Variants in SYN3 observed in about 807,000 individuals in gnomAD.
SYN3 encodes synapsin-3.
A neutral mutation model predicts 65.8 loss-of-function variants in SYN3; 35 were observed. The ratio of observed to expected loss-of-function variants is 0.53; its 90% CI spans 0.41 to 0.70. SYN3 has a LOEUF of 0.70. SYN3 is among the 30% of genes least tolerant of loss of function. SYN3 has a pLI of 0.00. For synonymous variants in SYN3, 270 were observed against 292.9 expected (o/e 0.92, Z 0.80); for missense variants, 680 against 749.0 (o/e 0.91, Z 1.08).
intron 6 of SYN3, among the ~76,000 whole-genome samples, chr22:32,800,109 A>G (rs1458907454): frequency 6.6e-6 from 1 of 152,222 alleles, no homozygotes; most frequent in Admixed American, 6.5e-5. Context: ...TGGAAATACC[A>G]TCTCTCACGA....
intron 6 of SYN3, among the ~76,000 whole-genome samples, chr22:32,647,256 C>T (rs1233686371): frequency 6.6e-6 from 1 of 152,050 alleles, no homozygotes. Flanking sequence ...CAGAAGGCCT[C>T]TTGGTGTTCT....
At chr22:32,600,270 G>A (rs576466804) in intron 6 of SYN3, among the ~76,000 whole-genome samples, 2 of 152,236 alleles carry the variant, frequency 1.3e-5, no homozygotes, top group South Asian at 2.1e-4. Flanking sequence ...TACATTCCTC[G>A]AATGCGCAAT....
At chr22:32,780,045 G>C (rs544263831) in intron 6 of SYN3, among the ~76,000 whole-genome samples, 48 of 89,678 alleles carry the variant, frequency 5.4e-4, no homozygotes, top group African/African-American at 1.7e-3. Context: ...CTCCAGCCTG[G>C]GTGACAGAGT....
intron 6 of SYN3, among the ~76,000 whole-genome samples, chr22:32,674,234 G>A (rs2060410462): frequency 1.3e-5 from 2 of 152,178 alleles, no homozygotes; most frequent in Non-Finnish European, 2.9e-5. Flanking sequence ...CCAGCTTTGG[G>A]GAAGCCATTT....
At chr22:32,842,136 C>T (rs1410029746) in intron 6 of SYN3, among the ~76,000 whole-genome samples, 2 of 152,166 alleles carry the variant, frequency 1.3e-5, no homozygotes, top group African/African-American at 4.8e-5. Context: ...AAGTGACTTG[C>T]CCAAGGTCAC....
chr22:32,735,984 T>TG, intron 6 of SYN3, among the ~76,000 whole-genome samples: 2 of 152,210 alleles, frequency 1.3e-5, no homozygotes, highest in South Asian at 4.2e-4. Flanking sequence ...CTCTATTTGG[T>TG]GGGGAGAGGA....
intron 6 of SYN3, among the ~76,000 whole-genome samples, chr22:32,731,692 C>G (rs2061272180): frequency 1.3e-5 from 2 of 152,266 alleles, no homozygotes; most frequent in South Asian, 4.2e-4. Context: ...GGATCAAGAC[C>G]AGGTATAGAG....
In SYN3 at chr22:32,913,911, C is replaced by T. The variant is rs575322204; in HGVS notation, c.461+17479G>A. ...GGAGAGGCAAAACAAGCGTATGTTCCAAGCATAAAGTTGTGTTTTGTGCTT... is the reference window on the plus strand; with the variant it reads ...GGAGAGGCAAAACAAGCGTATGTTCTAAGCATAAAGTTGTGTTTTGTGCTT... On this transcript the variant is annotated intron_variant, in intron 4 of 13. Coordinates refer to ENST00000358763, the MANE Select transcript of SYN3 (RefSeq NM_003490.4). 8.5e-5 allele frequency among the ~76,000 whole-genome samples: 13 copies of T among 152,286 alleles called. No individual in the cohort carries two copies. The East Asian group carries it at 2.3e-3, about 27-fold the overall frequency.
intron 6 of SYN3, among the ~76,000 whole-genome samples, chr22:32,645,447 G>A (rs1027264128): frequency 1.2e-4 from 15 of 124,876 alleles, no homozygotes; most frequent in Non-Finnish European, 2.1e-4. Flanking sequence ...GCGAAACTCC[G>A]TCTGAAAAAA....
intron 6 of SYN3, among the ~76,000 whole-genome samples, chr22:32,723,174 A>G (rs764794856): frequency 4.6e-5 from 7 of 152,208 alleles, no homozygotes; most frequent in Non-Finnish European, 8.8e-5. Context: ...TTATTTTGAG[A>G]GAGCCAGCAG....
chr22:32,716,541 GT>G (rs550046386), intron 6 of SYN3, among the ~76,000 whole-genome samples: 1 of 151,880 alleles, frequency 6.6e-6, no homozygotes. Context: ...ATTTTTGTTT[GT>G]TTTTTTGAGA....
At chr22:32,715,191 T>G (rs1386137041) in intron 6 of SYN3, among the ~76,000 whole-genome samples, 1 of 152,264 alleles carries the variant, frequency 6.6e-6, no homozygotes, top group Non-Finnish European at 1.5e-5. Context: ...GAATAAATAC[T>G]ATCACCCTGG....
chr22:32,721,207 C>T (rs764949217), intron 6 of SYN3, among the ~76,000 whole-genome samples: 23 of 152,192 alleles, frequency 1.5e-4, no homozygotes, highest in African/African-American at 3.4e-4. Context: ...GTGGAGCTCC[C>T]GGTGGTGGGC....
chr22:32,617,308 G>A (rs963067832), intron 6 of SYN3, among the ~76,000 whole-genome samples: 2 of 152,230 alleles, frequency 1.3e-5, no homozygotes, highest in East Asian at 3.9e-4. Context: ...GTCTTGGATT[G>A]GCTTTAAAAT....
At chr22:32,679,882 T>C (rs1207721805) in intron 6 of SYN3, among the ~76,000 whole-genome samples, 5 of 104,992 alleles carry the variant, frequency 4.8e-5, no homozygotes, top group African/African-American at 1.3e-4. Flanking sequence ...AGGAATTCCT[T>C]ATATATTTTG....
rs1047791351 is a variant in SYN3 at position 32,526,754 on chromosome 22, C to T, written c.1318+1164G>A. Among the ~76,000 whole-genome samples, 7 of 152,180 alleles carry T rather than the reference C, an allele frequency of 4.6e-5. No individual in the cohort carries two copies. In the South Asian group the frequency reaches 6.2e-4, roughly 14 times the overall value. ...TAGGCTGGTCTCGAACTCCTGACCTCGTGATCCGCCCGCCTCGGCCTCCCA... is the reference window on the plus strand; with the variant it reads ...TAGGCTGGTCTCGAACTCCTGACCTTGTGATCCGCCCGCCTCGGCCTCCCA... On this transcript the variant is annotated intron_variant, in intron 12 of 13. Transcript: ENST00000358763.
chr22:32,521,877 A>G (rs1026679780), intron 12 of SYN3, among the ~76,000 whole-genome samples: 4 of 152,182 alleles, frequency 2.6e-5, no homozygotes, highest in Non-Finnish European at 5.9e-5. Context: ...GATATCTTAG[A>G]AAATGTGAAT....
intron 6 of SYN3, among the ~76,000 whole-genome samples, chr22:32,779,671 T>C (rs1476612783): frequency 1.3e-5 from 2 of 152,158 alleles, no homozygotes; most frequent in African/African-American, 2.4e-5. Flanking sequence ...AGCTGGCTAG[T>C]TGCAGAGCTG....
At chr22:32,741,037 G>A (rs2061398300) in intron 6 of SYN3, among the ~76,000 whole-genome samples, 1 of 152,174 alleles carries the variant, frequency 6.6e-6, no homozygotes, top group Non-Finnish European at 1.5e-5. Flanking sequence ...TTTAGGCTTT[G>A]GCTTAATTTT....
Sources: allele counts gnomAD v4.1 joint callset (sites outside exome capture counted in the v4.1 genomes callset), GRCh38; gene constraint gnomAD v4.1.1; transcripts MANE v1.5; gene names NCBI Gene and HGNC (gene_info 2026-07-23, HGNC 2026-07-21).